C6orf136: variants seen among roughly 807,000 people sequenced by gnomAD.
C6orf136 encodes the protein uncharacterized protein C6orf136.
C6orf136 carries 29 observed loss-of-function variants against 44.0 expected under a neutral mutation model. The ratio of observed to expected loss-of-function variants is 0.66; its 90% CI spans 0.49 to 0.90. C6orf136 has a LOEUF of 0.90. Ranked by LOEUF, C6orf136 falls within the 40% of genes least tolerant of loss-of-function variation. The pLI is 0.00. For synonymous variants in C6orf136, 293 were observed against 278.6 expected (o/e 1.05, Z -0.52); for missense variants, 628 against 669.3 (o/e 0.94, Z 0.68).
chr6:30,647,753 A>T lies in C6orf136; in HGVS notation c.522A>T (p.Pro174=). ...AGCGGTCCTGGCAGGAAGGCCGGCC[A>T]GTGTGCACCCGGTTCGGGCCCCTGC... ...LGERSWQEGR[P]VCTRFGPLRP... Residue 174 remains proline (P), a synonymous_variant, in exon 1 of 6, where the codon CCA becomes CCT. Transcript: ENST00000651131. The surrounding 1 kb of genome is among the most constrained non-coding windows in gnomAD (Gnocchi z 4.8). The T allele has an allele frequency of 1.9e-6, 3 of 1,548,674 alleles. No individual in the cohort carries two copies. The highest frequency in any genetic ancestry group is 2.6e-6 in the Non-Finnish European group (3 of 1,146,554).
intron 3 of C6orf136, 33 bp from the exon 4 acceptor site, chr6:30,651,230 CCAT>C: frequency 1.2e-6 from 2 of 1,609,832 alleles, no homozygotes; most frequent in East Asian, 4.5e-5. Context: ...TCTAATTCTG[CCAT>C]CATGAGATTT....
In C6orf136 at chr6:30,649,909, C is replaced by T; in HGVS notation, c.967C>T (p.Pro323Ser). The change falls in exon 2 of 6, where the codon CCT becomes TCT. Residue 323 changes from proline to serine, a missense_variant. Transcript: ENST00000651131. The part of the protein sequence containing the change: ...HPSPATPSGD[P>S]SMEEHLSVMY... The stretch of plus-strand genomic sequence containing the variant: ...TTCCCCTGCCACCCCGTCAGGAGAT[C>T]CTAGTATGGAGGAACATCTGTCTGT... 1 of 1,613,902 alleles carries T rather than the reference C, an allele frequency of 6.2e-7. No individual in the cohort carries two copies. Among genetic ancestry groups the T allele is most frequent in the Non-Finnish European group, 8.5e-7 (1 of 1,179,930 alleles).
At chr6:30,650,105 G>A in intron 2 of C6orf136, 146 bp downstream of exon 2, 3 of 796,932 alleles carry the variant, frequency 3.8e-6, no homozygotes, top group Non-Finnish European at 5.8e-6. Context: ...AGAAAATGAT[G>A]TTCCAGCCAG....
At position 30,649,858 on chromosome 6, in the gene C6orf136, T is replaced by C; in HGVS notation, c.916T>C (p.Phe306Leu). The change falls in exon 2 of 6, where the codon TTC becomes CTC. Residue 306 changes from phenylalanine to leucine, a missense_variant. Physicochemically the swap from Phe to Leu is conservative, Grantham distance 22. Coordinates refer to ENST00000651131, the MANE Select transcript of C6orf136 (RefSeq NM_001161376.2). ...PCPYPGAWIPFQVPGTAHPSP... is the reference protein window; with the variant it reads ...PCPYPGAWIPLQVPGTAHPSP... ...CCCCTATCCTGGGGCTTGGATACCT[T>C]TCCAAGTCCCTGGAACTGCCCACCC... The C allele has an allele frequency of 6.2e-7, 1 of 1,614,040 alleles. No individual in the cohort carries two copies. The highest frequency in any genetic ancestry group is 8.5e-7 in the Non-Finnish European group (1 of 1,179,964).
rs1051593990 is a variant in C6orf136, at chr6:30,647,399, G to A, written c.168G>A (p.Gln56=). 1.4e-5 allele frequency: 20 copies of A among 1,477,734 alleles called. No individual in the cohort carries two copies. Among genetic ancestry groups the A allele is most frequent in the Non-Finnish European group, 1.5e-5 (17 of 1,113,438 alleles). 91.5% of individuals were successfully genotyped at this position (1,477,734 alleles called of 1,614,324 possible). ...RGAERALGSA[Q]AQRHPPPLPT... is the part of the protein sequence containing the mutation. ...CGGAGCGCGCGCTGGGTTCCGCGCA[G>A]GCGCAGAGACACCCGCCGCCCCTTC... Residue 56 remains glutamine, a synonymous_variant, in exon 1 of 6, where the codon CAG becomes CAA. Coordinates refer to ENST00000651131, the MANE Select transcript of C6orf136 (RefSeq NM_001161376.2). This position sits in a 1 kb window ranked among gnomAD's most constrained non-coding sequence, Gnocchi z 4.8.
rs1272360243 is a variant in C6orf136, at chr6:30,647,423, T to C, written c.192T>C (p.Leu64=). Residue 64 remains leucine, a synonymous_variant, in exon 1 of 6, where the codon CTT becomes CTC. Coordinates refer to ENST00000651131, the MANE Select transcript of C6orf136 (RefSeq NM_001161376.2). This position sits in a 1 kb window ranked among gnomAD's most constrained non-coding sequence, Gnocchi z 4.8. The part of the protein sequence containing the change: ...SAQAQRHPPP[L]PTCALQRVDR... ...AGGCGCAGAGACACCCGCCGCCCCT[T>C]CCCACCTGTGCCCTGCAGCGCGTGG... 6.8e-7 allele frequency: 1 copy of C among 1,469,254 alleles called. No individual in the cohort carries two copies. Among genetic ancestry groups the C allele is most frequent in the Non-Finnish European group, 9.0e-7 (1 of 1,107,932 alleles). 91.0% of individuals were successfully genotyped at this position (1,469,254 alleles called of 1,614,324 possible).
Position 30,647,327 on chromosome 6 carries a change from G to A in C6orf136, c.96G>A (p.Gly32=), listed in dbSNP as rs900798451. The A allele has an allele frequency of 1.9e-6, 3 of 1,583,210 alleles. No individual in the cohort carries two copies. The East Asian group carries it at 7.0e-5, about 37-fold the overall frequency. ...AGGTGAGCGGAGGAGAAGAGGGAGG[G>A]AGGAGAGGGGGCGGGGAGAGACCCT... The part of the protein sequence containing the change: ...RPQVSGGEEG[G]RRGGGERPSS... Residue 32 remains glycine, a synonymous_variant, in exon 1 of 6, where the codon GGG becomes GGA. Transcript: ENST00000651131. This position sits in a 1 kb window ranked among gnomAD's most constrained non-coding sequence, Gnocchi z 4.8.
At position 30,647,197 on chromosome 6, in the gene C6orf136, G is replaced by C; in HGVS notation, c.-35G>C. Reference sequence around the variant, plus strand: ...ACCCCTGTGAGGAGGCCGGAGGTCGGACTCAGGAGGCTCCTTCTCCACTCC... The same window carrying C: ...ACCCCTGTGAGGAGGCCGGAGGTCGCACTCAGGAGGCTCCTTCTCCACTCC... On this transcript the variant is annotated 5_prime_UTR_variant, in exon 1 of 6. Coordinates refer to ENST00000651131, the MANE Select transcript of C6orf136 (RefSeq NM_001161376.2). This position sits in a 1 kb window ranked among gnomAD's most constrained non-coding sequence, Gnocchi z 4.8. The C allele has an allele frequency of 6.5e-7, 1 of 1,536,194 alleles. No individual in the cohort carries two copies. Among genetic ancestry groups the C allele is most frequent in the South Asian group, 1.2e-5 (1 of 83,184 alleles).
chr6:30,652,528 A>G, intron 4 of C6orf136, 120 bp from the exon 5 acceptor site: 1 of 858,596 alleles, frequency 1.2e-6, no homozygotes, highest in Non-Finnish European at 2.0e-6. Context: ...AGATGTTTGT[A>G]AGTTGCCCAG....
In C6orf136 at chr6:30,650,937, G is replaced by C. The variant is rs537682811; in HGVS notation, c.1018-57G>C. 45 of 1,311,694 alleles carry C rather than the reference G, an allele frequency of 3.4e-5. No homozygotes were observed. The African/African-American group carries it at 6.2e-4, about 18-fold the overall frequency. 81.3% of individuals were successfully genotyped at this position (1,311,694 alleles called of 1,614,324 possible). ...AAAAAAAAAAAAAAATTAGAAAACT[G>C]AAAAATAGGATTATCTTTTCTTTCC... is the stretch of plus-strand genomic sequence containing the variant. On this transcript the variant is annotated intron_variant, in intron 2 of 5. Coordinates refer to ENST00000651131, the MANE Select transcript of C6orf136 (RefSeq NM_001161376.2).
Position 30,651,248 on chromosome 6 carries a change from C to T in C6orf136, c.1107-18C>T. Reference sequence around the variant, plus strand: ...AATTCTGCCATCATGAGATTTCTTTCCCATCCCTTCTTCACAGGGGCCGGA... The same window carrying T: ...AATTCTGCCATCATGAGATTTCTTTTCCATCCCTTCTTCACAGGGGCCGGA... On this transcript the variant is annotated intron_variant, in intron 3 of 5. Transcript: ENST00000651131. 6.2e-7 allele frequency: 1 copy of T among 1,613,500 alleles called. No individual in the cohort carries two copies.
chr6:30,650,762 G>A (rs745893332), intron 2 of C6orf136, among the ~76,000 whole-genome samples: 1 of 149,384 alleles, frequency 6.7e-6, no homozygotes, highest in Non-Finnish European at 1.5e-5. Context: ...CAGCCTGGGC[G>A]ACAGAGCTAG....
Position 30,652,663 on chromosome 6 carries a change from C to T in C6orf136, c.1323C>T (p.Tyr441=). The change falls in exon 5 of 6, where the codon TAC becomes TAT. Residue 441 remains tyrosine, a synonymous_variant. Transcript: ENST00000651131. ...TATTCCCCAGGACCTATGATGCCTACTCCACTTTCTACCTGAATTCCAGTG... is the reference window on the plus strand; with the variant it reads ...TATTCCCCAGGACCTATGATGCCTATTCCACTTTCTACCTGAATTCCAGTG... ...KDEHYRTYDA[Y]STFYLNSSGL... is the part of the protein sequence containing the mutation. 2 of 1,613,092 alleles carry T rather than the reference C, an allele frequency of 1.2e-6. No individual in the cohort carries two copies. Among genetic ancestry groups the T allele is most frequent in the Non-Finnish European group, 1.7e-6 (2 of 1,180,012 alleles).
In C6orf136 at chr6:30,647,796, G is replaced by A; in HGVS notation, c.565G>A (p.Gly189Ser). The A allele has an allele frequency of 6.5e-7, 1 of 1,540,102 alleles. No individual in the cohort carries two copies. The highest frequency in any genetic ancestry group is 8.7e-7 in the Non-Finnish European group (1 of 1,144,324). The part of the protein sequence containing the change: ...FGPLRPGWQD[G>S]HAPSRDGASR... ...GCCCCTGCGCCCGGGCTGGCAAGAT[G>A]GCCACGCCCCCAGCAGAGACGGCGC... Residue 189 changes from glycine to serine, a missense_variant, in exon 1 of 6, where the codon GGC becomes AGC. Gly to Ser is a moderately conservative substitution (Grantham distance 56). Transcript: ENST00000651131. This position sits in a 1 kb window ranked among gnomAD's most constrained non-coding sequence, Gnocchi z 4.8.
In C6orf136 at chr6:30,649,722, C is replaced by T; in HGVS notation, c.780C>T (p.Leu260=). 1.2e-6 allele frequency: 2 copies of T among 1,613,394 alleles called. No homozygotes were observed. Among genetic ancestry groups the T allele is most frequent in the Non-Finnish European group, 1.7e-6 (2 of 1,179,746 alleles). The part of the protein sequence containing the change: ...PPLPLPQIQA[L]SSAWVVLPPG... Reference sequence around the variant, plus strand: ...TACCTCTCCCTCAGATCCAGGCCCTCAGCTCAGCATGGGTGGTTCTCCCTC... The same window carrying T: ...TACCTCTCCCTCAGATCCAGGCCCTTAGCTCAGCATGGGTGGTTCTCCCTC... The change falls in exon 2 of 6, where the codon CTC becomes CTT. Residue 260 remains leucine, a synonymous_variant. Coordinates refer to ENST00000651131, the MANE Select transcript of C6orf136 (RefSeq NM_001161376.2).
chr6:30,650,844 G>A (rs1344052633), intron 2 of C6orf136, 150 bp from the exon 3 acceptor site: 11 of 607,426 alleles, frequency 1.8e-5, no homozygotes, highest in Non-Finnish European at 2.0e-5. Flanking sequence ...CCTAGGAGGC[G>A]GAGGTTGCAG....
Position 30,649,552 on chromosome 6 carries a change from C to T in C6orf136, c.616-6C>T. 6.3e-7 allele frequency: 1 copy of T among 1,578,434 alleles called. No individual in the cohort carries two copies. Among genetic ancestry groups the T allele is most frequent in the South Asian group, 1.2e-5 (1 of 84,460 alleles). ...TATCTTTCTCCCTTCTGTTCTTTCT[C>T]CTTAGGACCAGCTTTATCCAGGGAC... is the stretch of plus-strand genomic sequence containing the variant. On this transcript the variant is annotated splice_polypyrimidine_tract_variant and splice_region_variant and intron_variant, in intron 1 of 5. Transcript: ENST00000651131.
chr6:30,650,151 T>TGGGA (rs906216181), intron 2 of C6orf136, among the ~76,000 whole-genome samples, 192 bp downstream of exon 2: 32 of 152,006 alleles, frequency 2.1e-4, no homozygotes, highest in Admixed American at 3.3e-4. Flanking sequence ...CCCAGCACTT[T>TGGGA]GGGAGGCTTA....
rs1766980503 is a variant in C6orf136, at chr6:30,647,644, C to G, written c.413C>G (p.Pro138Arg). 1.9e-6 allele frequency: 3 copies of G among 1,549,896 alleles called. No individual in the cohort carries two copies. The highest frequency in any genetic ancestry group is 2.6e-6 in the Non-Finnish European group (3 of 1,146,628). The change falls in exon 1 of 6, where the codon CCT becomes CGT. Residue 138 changes from proline (P) to arginine (R), a missense_variant. This residue lies in a region of C6orf136 where 497 missense variants were observed against 469.2 expected (regional missense o/e 1.06). Coordinates refer to ENST00000651131, the MANE Select transcript of C6orf136 (RefSeq NM_001161376.2). This position sits in a 1 kb window ranked among gnomAD's most constrained non-coding sequence, Gnocchi z 4.8. ...LKGRGREIRS[P>R]AAAPSRSSPA... The stretch of plus-strand genomic sequence containing the variant: ...GGCAGGGGCCGAGAGATTCGTAGCC[C>G]TGCTGCGGCGCCGTCCCGGAGTTCC...
Sources: gnomAD v4.1 joint callset for allele counts (sites outside exome capture counted in the v4.1 genomes callset) on GRCh38, gnomAD v4.1.1 for gene constraint, gnomAD v4.1.1 regional missense constraint, Gnocchi (gnomAD v3.1) non-coding constraint, MANE v1.5 for transcripts, NCBI Gene and HGNC (gene_info 2026-07-23, HGNC 2026-07-21) for gene names.